TMEM67: variants seen among roughly 807,000 people sequenced by gnomAD.
The protein encoded by TMEM67 is meckelin.
A neutral mutation model predicts 136.6 loss-of-function variants in TMEM67; 124 were observed. That is an observed-to-expected ratio of 0.91 (90% CI 0.78 to 1.05). TMEM67 has a LOEUF of 1.05. Among genes scored for constraint, TMEM67 ranks in the 50% least tolerant of loss-of-function variants. The probability of loss-of-function intolerance (pLI) is 0.00; values close to 1 mark genes in which losing one functional copy is unlikely to be tolerated. For missense variants in TMEM67, 1,107 were observed against 1,178.4 expected, an observed-to-expected ratio of 0.94 and a Z score of 0.89; for synonymous variants, 364 against 390.5, an observed-to-expected ratio of 0.93 and a Z score of 0.80.
In TMEM67 at chr8:93,763,888, G is replaced by C. The variant is rs200155700; in HGVS notation, c.453G>C (p.Glu151Asp). The C allele has an allele frequency of 3.1e-5, 50 of 1,613,840 alleles. No homozygotes were observed. The highest frequency in any genetic ancestry group is 4.0e-5 in the Non-Finnish European group (47 of 1,179,900). Residue 151 changes from glutamate (E) to aspartate (D), a missense_variant, in exon 4 of 28, where the codon GAG becomes GAC. Glu to Asp is a conservative substitution (Grantham distance 45). Transcript: ENST00000453321. ...CATTGTTGTCTCAAGCAACTTGTGA[G>C]CTCTGTGATGGAAATGAAAACTCTT... ...NGTLLSQATC[E>D]LCDGNENSFM...
Position 93,780,872 on chromosome 8 carries a change from A to G in TMEM67, c.870-2A>G, listed in dbSNP as rs386834207. 1.9e-6 allele frequency: 3 copies of G among 1,609,384 alleles called. No homozygotes were observed. Among genetic ancestry groups the G allele is most frequent in the Non-Finnish European group, 2.5e-6 (3 of 1,177,148 alleles). On this transcript the variant is annotated splice_acceptor_variant, in intron 8 of 27. Coordinates refer to ENST00000453321, the MANE Select transcript of TMEM67 (RefSeq NM_153704.6). LOFTEE classifies it high-confidence loss of function. Reference sequence around the variant, plus strand: ...TATTAAAACAGTTGTAACTGTTTATAGGAGACAGAATCTTCCTTGGCTGTT... The same window carrying G: ...TATTAAAACAGTTGTAACTGTTTATGGGAGACAGAATCTTCCTTGGCTGTT...
Position 93,797,162 on chromosome 8 carries a change from C to T in TMEM67, c.1889C>T (p.Ser630Phe), listed in dbSNP as rs779483635. The T allele has an allele frequency of 6.2e-7, 1 of 1,611,760 alleles. No homozygotes were observed. Among genetic ancestry groups the T allele is most frequent in the East Asian group, 2.2e-5 (1 of 44,836 alleles). Residue 630 changes from serine (S) to phenylalanine (F), a missense_variant, in exon 19 of 28, where the codon TCC becomes TTC. Physicochemically the swap from Ser to Phe is radical, Grantham distance 155. Transcript: ENST00000453321. Reference sequence around the variant, plus strand: ...CTACAATTTTTGCATAAGCTCATATCCCAGATTACAATAGATGTATTCTTT... The same window carrying T: ...CTACAATTTTTGCATAAGCTCATATTCCAGATTACAATAGATGTATTCTTT... ...KALQFLHKLI[S>F]QITIDVFFID...
In TMEM67 at chr8:93,781,704, A is replaced by G. The variant is rs1283111551; in HGVS notation, c.1025A>G (p.Asn342Ser). ...FVAASYDIRG[N>S]FLKWQTLEGG... Reference sequence around the variant, plus strand: ...GCTGCTTCCTATGATATAAGAGGAAATTTTCTCAAGTGGCAAACTTTAGAA... The same window carrying G: ...GCTGCTTCCTATGATATAAGAGGAAGTTTTCTCAAGTGGCAAACTTTAGAA... The change falls in exon 10 of 28, where the codon AAT becomes AGT. Residue 342 changes from asparagine (N) to serine (S), a missense_variant. Transcript: ENST00000453321. 1 of 1,611,278 alleles carries G rather than the reference A, an allele frequency of 6.2e-7. No homozygotes were observed. Among genetic ancestry groups the G allele is most frequent in the Admixed American group, 1.7e-5 (1 of 59,810 alleles).
intron 23 of TMEM67, 21 bp downstream of exon 23, chr8:93,804,899 T>A (rs1253979128): frequency 7.3e-7 from 1 of 1,370,860 alleles, no homozygotes; most frequent in African/African-American, 1.4e-5. Context: ...GTTTTACATC[T>A]TTTTGTTTTT....
intron 7 of TMEM67, among the ~76,000 whole-genome samples, chr8:93,773,760 A>G (rs1010470439): frequency 5.3e-5 from 8 of 152,354 alleles, no homozygotes; most frequent in Non-Finnish European, 1.0e-4. Context: ...AACAAAATGG[A>G]TTAGATTTTA....
Position 93,755,155 on chromosome 8 carries a change from G to C in TMEM67, c.223+18G>C. On this transcript the variant is annotated intron_variant, in intron 1 of 27. Transcript: ENST00000453321. ...TGCCCGAGGTAAGACGGTTTGCGGT[G>C]GGCCCTGGCAAAAGTAACACTCCCG... 6.2e-7 allele frequency: 1 copy of C among 1,611,208 alleles called. No individual in the cohort carries two copies. The highest frequency in any genetic ancestry group is 8.5e-7 in the Non-Finnish European group (1 of 1,177,420).
intron 16 of TMEM67, chr8:93,794,818 G>A (rs1157355403): frequency 6.2e-6 from 1 of 160,698 alleles, no homozygotes; most frequent in Non-Finnish European, 1.4e-5. Context: ...CATAGTCTGT[G>A]CTCTCAGAAA....
chr8:93,791,693 C>G (rs1283020122), intron 15 of TMEM67, among the ~76,000 whole-genome samples: 2 of 152,128 alleles, frequency 1.3e-5, no homozygotes, highest in East Asian at 3.9e-4. Context: ...TTTTGGCCCT[C>G]AATTTGGGTT....
intron 7 of TMEM67, among the ~76,000 whole-genome samples, chr8:93,774,533 C>A (rs1429372274): frequency 6.6e-6 from 1 of 152,010 alleles, no homozygotes; most frequent in Non-Finnish European, 1.5e-5. Flanking sequence ...AAAGACAGGC[C>A]CCAGTGTGTG....
chr8:93,805,829 G>A (rs976960584), intron 23 of TMEM67, among the ~76,000 whole-genome samples: 1 of 152,164 alleles, frequency 6.6e-6, no homozygotes, highest in African/African-American at 2.4e-5. Context: ...GATGCTAAAC[G>A]ATTAAGTGAT....
chr8:93,787,100 C>G (rs926259737), intron 13 of TMEM67, among the ~76,000 whole-genome samples: 4 of 152,136 alleles, frequency 2.6e-5, no homozygotes, highest in African/African-American at 9.7e-5. Context: ...GAAAATGCAC[C>G]TAGTCAGACT....
At chr8:93,757,908 C>T (rs1812654591) in intron 2 of TMEM67, among the ~76,000 whole-genome samples, 1 of 151,950 alleles carries the variant, frequency 6.6e-6, no homozygotes, top group Non-Finnish European at 1.5e-5. Context: ...AGGCATACAC[C>T]ACCACGCCCA....
At chr8:93,821,413 T>C (rs560159604), downstream of TMEM67, among the ~76,000 whole-genome samples, 334 of 152,236 alleles carry the variant, frequency 2.2e-3, 1 homozygote, top group African/African-American at 7.9e-3. Context: ...TCCAGAGTAG[T>C]TGGGATTACA....
At position 93,803,420 on chromosome 8, in the gene TMEM67, C is replaced by T. The variant is rs74559114; in HGVS notation, c.2242-184C>T. 6.9e-3 allele frequency among the ~76,000 whole-genome samples: 1,048 copies of T among 152,306 alleles called. 39 individuals are homozygous for T. Among genetic ancestry groups the T allele is most frequent in the Admixed American group, 0.051 (781 of 15,288 alleles). ...GCTCCCTCAATGACTCAACACAATT[C>T]TAAAATCCTCCTCCCTTTGACAGAA... On this transcript the variant is annotated intron_variant, in intron 21 of 27. Transcript: ENST00000453321.
At position 93,809,176 on chromosome 8, in the gene TMEM67, A is replaced by C; in HGVS notation, c.2661+15A>C. ...TCATTGACCATGTATGTATGTCAAC[A>C]TTTATATTTAAGCTGGGATCAAATG... is the stretch of plus-strand genomic sequence containing the variant. On this transcript the variant is annotated intron_variant, in intron 25 of 27. Transcript: ENST00000453321. The C allele has an allele frequency of 7.3e-7, 1 of 1,370,748 alleles. No homozygotes were observed. Among genetic ancestry groups the C allele is most frequent in the East Asian group, 2.3e-5 (1 of 43,666 alleles). The allele number at this position is 1,370,748 out of a possible 1,614,324, so 84.9% of individuals were successfully genotyped here. A position where few individuals can be genotyped will look rare whatever the true frequency, so the allele number is the denominator to read the frequency against.
intron 6 of TMEM67, among the ~76,000 whole-genome samples, chr8:93,770,379 A>G (rs1025647692): frequency 6.6e-6 from 1 of 152,172 alleles, no homozygotes; most frequent in Non-Finnish European, 1.5e-5. Context: ...TTTAAAATTA[A>G]CATAATAGAA....
chr8:93,831,470 A>G, the TMEM67 span, among the ~76,000 whole-genome samples: 1 of 152,230 alleles, frequency 6.6e-6, no homozygotes, highest in East Asian at 1.9e-4. Flanking sequence ...TATTACTAAT[A>G]TAACAGGACT....
At chr8:93,756,625 A>G (rs1009700325) in intron 2 of TMEM67, 4 of 152,150 alleles carry the variant, frequency 2.6e-5, no homozygotes, top group Admixed American at 6.5e-5. Flanking sequence ...TTTATTTTAT[A>G]TCTTTATAAT....
intron 13 of TMEM67, 39 bp downstream of exon 13, chr8:93,786,385 T>C: frequency 1.2e-6 from 2 of 1,605,378 alleles, no homozygotes; most frequent in Non-Finnish European, 1.7e-6. Flanking sequence ...TGGGAAAATA[T>C]CATAATGGAA....
Sources: gnomAD v4.1 joint callset for allele counts (sites outside exome capture counted in the v4.1 genomes callset) on GRCh38, gnomAD v4.1.1 for gene constraint, MANE v1.5 for transcripts, NCBI Gene and HGNC (gene_info 2026-07-23, HGNC 2026-07-21) for gene names.